The following TPT1 variants were observed in gnomAD, a reference collection of about 807,000 sequenced individuals.
TPT1 encodes the protein tumor protein, translationally-controlled 1.
Under a neutral mutation model 22.8 loss-of-function variants are expected in TPT1, and 5 were observed. That is an observed-to-expected ratio of 0.22 (90% CI 0.11 to 0.46). TPT1 has a LOEUF of 0.46. Ranked by LOEUF, TPT1 falls within the 20% of genes least tolerant of loss-of-function variation. The pLI is 0.99. For missense variants in TPT1, 130 were observed against 218.7 expected (o/e 0.59, Z 2.56); for synonymous variants, 89 against 73.6 (o/e 1.21, Z -1.07).
In TPT1 at chr13:45,335,587, G is replaced by A. The variant is rs1878619804; in HGVS notation, c.*1799C>T. On this transcript the variant is annotated 3_prime_UTR_variant, in exon 6 of 6. Coordinates refer to ENST00000530705, the MANE Select transcript of TPT1 (RefSeq NM_003295.4). ...ATCATTTCAGAGGACAAAAGGCCCT[G>A]TAGATGAGACTCACACTTTTCATTA... The A allele has an allele frequency of 6.6e-6, 1 of 152,154 alleles. No homozygotes were observed. The highest frequency in any genetic ancestry group is 2.4e-5 in the African/African-American group (1 of 41,428). The allele number at this position is 152,154 out of a possible 1,614,324, so 9.4% of individuals were successfully genotyped here.
At chr13:45,337,529 C>T (rs776680208) in intron 5 of TPT1, 141 bp from the exon 6 acceptor site, 13 of 1,613,224 alleles carry the variant, frequency 8.1e-6, no homozygotes, top group East Asian at 6.7e-5. Context: ...AGACAGAAAG[C>T]GCAGGGATTT....
Position 45,336,615 on chromosome 13 carries a change from G to A in TPT1, c.*771C>T, listed in dbSNP as rs553912042. 23 of 152,328 alleles carry A rather than the reference G, an allele frequency of 1.5e-4. No individual in the cohort carries two copies. The highest frequency in any genetic ancestry group is 4.3e-4 in the African/African-American group (18 of 41,568). 9.4% of individuals were successfully genotyped at this position (152,328 alleles called of 1,614,324 possible). ...CAACTCTGCTCATGCACTGACAACA[G>A]CCACAGTCAATCCATAAATGAATAA... is the stretch of plus-strand genomic sequence containing the variant. On this transcript the variant is annotated 3_prime_UTR_variant, in exon 6 of 6. Coordinates refer to ENST00000530705, the MANE Select transcript of TPT1 (RefSeq NM_003295.4).
rs1205145209 is a variant in TPT1, at chr13:45,336,577, A to G, written c.*809T>C. On this transcript the variant is annotated 3_prime_UTR_variant, in exon 6 of 6. Transcript: ENST00000530705. ...AGGGGCTGGCAAACTTGCAGGCTCT[A>G]GTCTGTTAGACACAACTCTGCTCAT... The G allele has an allele frequency of 6.6e-6, 1 of 152,254 alleles. No homozygotes were observed. The highest frequency in any genetic ancestry group is 2.4e-5 in the African/African-American group (1 of 41,462). 9.4% of individuals were successfully genotyped at this position (152,254 alleles called of 1,614,324 possible).
chr13:45,339,898 A>AAAAGTATACCCACTGCGAAAG lies in TPT1; in HGVS notation c.293+75_293+95dup, dbSNP rs1483128823. On this transcript the variant is annotated intron_variant, in intron 3 of 5. Transcript: ENST00000530705. ...TTAATAAAAAAGCAAGGACTTTCACAAAAGTATACCCACTGCGAAAGAACC... is the reference window on the plus strand; with the variant it reads ...TTAATAAAAAAGCAAGGACTTTCACAAAAGTATACCCACTGCGAAAGAAAGTATACCCACTGCGAAAGAACC... The AAAAGTATACCCACTGCGAAAG allele has an allele frequency of 4.2e-5, 58 of 1,386,930 alleles. No individual in the cohort carries two copies. The African/African-American group carries it at 8.1e-4, about 19-fold the overall frequency. 85.9% of individuals were successfully genotyped at this position (1,386,930 alleles called of 1,614,324 possible). A position where few individuals can be genotyped will look rare whatever the true frequency, so the allele number is the denominator to read the frequency against.
At position 45,340,113 on chromosome 13, in the gene TPT1, C is replaced by G; in HGVS notation, c.174G>C (p.Glu58Asp). The stretch of plus-strand genomic sequence containing the variant: ...TTACTGTGCTTTCGGTACCTTCGCC[C>G]TCGGGGCCTTCAGCGGAGGCATTTC... ...IGGNASAEGPEGEGTESTVIT... is the reference protein window; with the variant it reads ...IGGNASAEGPDGEGTESTVIT... Residue 58 changes from glutamate (E) to aspartate (D), a missense_variant, in exon 3 of 6, where the codon GAG becomes GAC. By Grantham distance (45) the Glu-to-Asp change is conservative. Transcript: ENST00000530705. 6.2e-7 allele frequency: 1 copy of G among 1,614,174 alleles called. No homozygotes were observed. Among genetic ancestry groups the G allele is most frequent in the Non-Finnish European group, 8.5e-7 (1 of 1,180,032 alleles).
chr13:45,340,268 G>C (rs1475753577), intron 2 of TPT1, 84 bp from the exon 3 acceptor site: 9 of 1,452,570 alleles, frequency 6.2e-6, no homozygotes, highest in African/African-American at 1.4e-5. Context: ...CGGATAAGAA[G>C]TATTCTTAGT....
chr13:45,338,879 T>C, intron 4 of TPT1, 103 bp from the exon 5 acceptor site: 1 of 958,824 alleles, frequency 1.0e-6, no homozygotes, highest in Non-Finnish European at 1.5e-6. Flanking sequence ...ACCACAAAAA[T>C]CAAAACTTCA....
chr13:45,340,519 A>T, intron 2 of TPT1, 193 bp downstream of exon 2: 1 of 786,604 alleles, frequency 1.3e-6, no homozygotes, highest in Non-Finnish European at 2.2e-6. Flanking sequence ...CGGGAGGAGG[A>T]TGGGCGCCGA....
At chr13:45,340,367 G>C in intron 2 of TPT1, 183 bp from the exon 3 acceptor site, 2 of 934,834 alleles carry the variant, frequency 2.1e-6, no homozygotes, top group South Asian at 1.4e-5. Flanking sequence ...AGAGTTGTCT[G>C]TTGGCCGGAA....
rs1347381440 is a variant in TPT1 at position 45,334,367 on chromosome 13, T to C, written c.*3019A>G. The stretch of plus-strand genomic sequence containing the variant: ...TCATGTTGGAATGCAGTCTATCCTC[T>C]CTCCAAATGACCTTATCCTGTATCA... On this transcript the variant is annotated 3_prime_UTR_variant, in exon 6 of 6. Coordinates refer to ENST00000530705, the MANE Select transcript of TPT1 (RefSeq NM_003295.4). 6.6e-6 allele frequency: 1 copy of C among 152,222 alleles called. No homozygotes were observed. The highest frequency in any genetic ancestry group is 2.4e-5 in the African/African-American group (1 of 41,452). The allele number at this position is 152,222 out of a possible 1,614,324, so 9.4% of individuals were successfully genotyped here.
chr13:45,340,880 C>T (rs930035124), intron 1 of TPT1, 95 bp from the exon 2 acceptor site: 34 of 1,463,730 alleles, frequency 2.3e-5, no homozygotes, highest in Admixed American at 2.7e-5. Context: ...TCTGCCCCTC[C>T]GTAGCACACC....
intron 5 of TPT1, chr13:45,338,263 G>A (rs919000439): frequency 5.1e-6 from 1 of 197,726 alleles, no homozygotes; most frequent in South Asian, 1.0e-4. Flanking sequence ...GGGATTACAG[G>A]TGCCCGCTGC....
In TPT1 at chr13:45,341,156, C is replaced by A. The variant is rs898641142; in HGVS notation, c.-87G>T. 7.7e-6 allele frequency: 12 copies of A among 1,566,938 alleles called. No homozygotes were observed. Among genetic ancestry groups the A allele is most frequent in the South Asian group, 2.3e-5 (2 of 87,108 alleles). ...AGCGCGGTGCAGCCGGAGCGGCGCT[C>A]GGGGGGAGGGGGGAGCGGGCGGAAA... is the stretch of plus-strand genomic sequence containing the variant. On this transcript the variant is annotated 5_prime_UTR_variant, in exon 1 of 6. Transcript: ENST00000530705.
intron 5 of TPT1, chr13:45,337,644 C>A (rs1423569169): frequency 7.1e-6 from 10 of 1,405,024 alleles, no homozygotes; most frequent in Non-Finnish European, 1.0e-5. Flanking sequence ...GCTCATTTTT[C>A]AGAAGGCTGT....
At chr13:45,340,544 T>A (rs540835450) in intron 2 of TPT1, 168 bp downstream of exon 2, 1 of 899,352 alleles carries the variant, frequency 1.1e-6, no homozygotes, top group Admixed American at 2.0e-5. Context: ...GCGGGCCTAT[T>A]TCCAGGATCA....
In TPT1 at chr13:45,335,846, A is replaced by G. The variant is rs2325216; in HGVS notation, c.*1540T>C. 0.31 allele frequency: 47,216 copies of G among 152,124 alleles called. 8,898 individuals are homozygous for G. Among genetic ancestry groups the G allele is most frequent in the Non-Finnish European group, 0.43 (28,952 of 67,984 alleles). The allele number at this position is 152,124 out of a possible 1,614,324, so 9.4% of individuals were successfully genotyped here. On this transcript the variant is annotated 3_prime_UTR_variant, in exon 6 of 6. Transcript: ENST00000530705. ...CGGGGTGCTGGGGGTTAACATTAGT[A>G]TCTGCCTCAGGTTTTGGACACTATG...
At chr13:45,338,056 G>C (rs1199464493) in intron 5 of TPT1, 1 of 162,302 alleles carries the variant, frequency 6.2e-6, no homozygotes, top group Admixed American at 6.0e-5. Flanking sequence ...ATATGATTAT[G>C]AAGTGAAAGT....
intron 5 of TPT1, chr13:45,338,120 A>G (rs1878832385): frequency 2.5e-5 from 4 of 160,370 alleles, no homozygotes; most frequent in Admixed American, 2.5e-4. Context: ...TTCAGCATTT[A>G]AACTCTACTG....
intron 2 of TPT1, chr13:45,340,426 G>A: frequency 1.3e-6 from 1 of 745,826 alleles, no homozygotes; most frequent in East Asian, 2.7e-5. Context: ...GGCATGTGAT[G>A]CCTCCGGTTG....
Sources: gnomAD v4.1 joint callset for allele counts on GRCh38, gnomAD v4.1.1 for gene constraint, MANE v1.5 for transcripts, NCBI Gene and HGNC (gene_info 2026-07-23, HGNC 2026-07-21) for gene names.